LIPN: variants seen among roughly 807,000 people sequenced by gnomAD.
The protein encoded by LIPN is lipase member N.
A neutral mutation model predicts 43.7 loss-of-function variants in LIPN; 32 were observed. That is an observed-to-expected ratio of 0.73 (90% CI 0.55 to 0.98). The LOEUF (loss-of-function observed/expected upper bound fraction) is 0.98. LIPN is among the 50% of genes least tolerant of loss of function. The probability of loss-of-function intolerance (pLI) is 0.00; values close to 1 mark genes in which losing one functional copy is unlikely to be tolerated. For missense variants in LIPN, 505 were observed against 483.8 expected (o/e 1.04, Z -0.41); for synonymous variants, 156 against 157.6 (o/e 0.99, Z 0.08).
intron 9 of LIPN, among the ~76,000 whole-genome samples, chr10:88,775,992 T>C (rs1334952522): frequency 6.6e-6 from 1 of 151,992 alleles, no homozygotes; most frequent in Non-Finnish European, 1.5e-5. Flanking sequence ...AGATAGACCA[T>C]GTATATTTTA....
In LIPN at chr10:88,771,101, C is replaced by T. The variant is rs1843201173; in HGVS notation, c.819+110C>T. 4.3e-6 allele frequency: 4 copies of T among 923,490 alleles called. No individual in the cohort carries two copies. The Admixed American group carries it at 1.3e-4, about 29-fold the overall frequency. 57.2% of individuals were successfully genotyped at this position (923,490 alleles called of 1,614,324 possible). ...ATAAATTCATATGGTATTCCAAACCCTTAAAGACAGATTTTTTTTTGCTTT... is the reference window on the plus strand; with the variant it reads ...ATAAATTCATATGGTATTCCAAACCTTTAAAGACAGATTTTTTTTTGCTTT... On this transcript the variant is annotated intron_variant, in intron 7 of 9. Coordinates refer to ENST00000404459, the MANE Select transcript of LIPN (RefSeq NM_001102469.2).
chr10:88,775,602 A>G (rs1221114373), intron 9 of LIPN, among the ~76,000 whole-genome samples: 1 of 152,030 alleles, frequency 6.6e-6, no homozygotes, highest in East Asian at 1.9e-4. Context: ...TTTAATACCA[A>G]CAGAAAAATT....
intron 3 of LIPN, 59 bp from the exon 4 acceptor site, chr10:88,764,351 C>A: frequency 1.5e-6 from 2 of 1,329,692 alleles, no homozygotes; most frequent in Non-Finnish European, 2.1e-6. Context: ...ATTACTCTCA[C>A]TCTTTCTCTC....
intron 6 of LIPN, among the ~76,000 whole-genome samples, chr10:88,770,556 T>G (rs1369740859): frequency 6.6e-6 from 1 of 151,892 alleles, no homozygotes; most frequent in Non-Finnish European, 1.5e-5. Flanking sequence ...CTTCCTCATC[T>G]GGAGACACAT....
chr10:88,757,807 A>C (rs1199490324), upstream of LIPN, among the ~76,000 whole-genome samples: 1 of 152,196 alleles, frequency 6.6e-6, no homozygotes, highest in African/African-American at 2.4e-5. Flanking sequence ...ACACACACAC[A>C]TATAGACTTA....
At chr10:88,775,381 C>T (rs1843281232) in intron 9 of LIPN, among the ~76,000 whole-genome samples, 1 of 151,594 alleles carries the variant, frequency 6.6e-6, no homozygotes, top group Non-Finnish European at 1.5e-5. Context: ...TCCTTCCATC[C>T]AGAGATAACT....
intron 1 of LIPN, among the ~76,000 whole-genome samples, chr10:88,760,978 T>C (rs1842986826): frequency 6.6e-6 from 1 of 152,152 alleles, no homozygotes; most frequent in Non-Finnish European, 1.5e-5. Context: ...AAAGTTTTAT[T>C]GATCCATTTT....
At chr10:88,762,508 G>A (rs1167810596) in intron 3 of LIPN, among the ~76,000 whole-genome samples, 3 of 152,092 alleles carry the variant, frequency 2.0e-5, no homozygotes, top group Non-Finnish European at 4.4e-5. Flanking sequence ...CAAACAGCAA[G>A]ACTGATCTTG....
In LIPN at chr10:88,768,792, G is replaced by C. The variant is rs530876943; in HGVS notation, c.536G>C (p.Gly179Ala). 2 of 1,610,466 alleles carry C rather than the reference G, an allele frequency of 1.2e-6. No homozygotes were observed. The highest frequency in any genetic ancestry group is 3.3e-4 in the Middle Eastern group (2 of 6,032). The change falls in exon 6 of 10, where the codon GGG becomes GCG. Residue 179 changes from glycine to alanine, a missense_variant and splice_region_variant. Transcript: ENST00000404459. ...FIGHSLGTTI[G>A]FVAFSTMPEL... ...ATTGTCTTATCTCCTGTTCTCTCAGGGTTTGTAGCCTTTTCCACCATGCCT... is the reference window on the plus strand; with the variant it reads ...ATTGTCTTATCTCCTGTTCTCTCAGCGTTTGTAGCCTTTTCCACCATGCCT...
chr10:88,761,767 C>G lies in LIPN; in HGVS notation c.108+254C>G, dbSNP rs55811851. ...TCTATCTATCTATCTATCTATGTATCTATCTATCTATTTATCTATCTATCT... is the reference window on the plus strand; with the variant it reads ...TCTATCTATCTATCTATCTATGTATGTATCTATCTATTTATCTATCTATCT... On this transcript the variant is annotated intron_variant, in intron 2 of 9. Transcript: ENST00000404459. 3.9e-3 allele frequency among the ~76,000 whole-genome samples: 288 copies of G among 73,698 alleles called. No individual in the cohort carries two copies. The highest frequency in any genetic ancestry group is 0.025 in the African/African-American group (275 of 11,192). The allele number at this position is 73,698 out of a possible 152,430, so 48.3% of individuals were successfully genotyped here.
rs1843323580 is a variant in LIPN at position 88,778,017 on chromosome 10, C to T, written c.972C>T (p.Pro324=). The T allele has an allele frequency of 1.2e-6, 2 of 1,610,116 alleles. No individual in the cohort carries two copies. The highest frequency in any genetic ancestry group is 1.1e-5 in the South Asian group (1 of 90,954). ...TGCTTTCTCTCCCACAGAGTCATCC[C>T]CCTATATATGACCTGACTGCCATGA... The part of the protein sequence containing the change: ...DNMKHYNQSH[P]PIYDLTAMKV... The change falls in exon 10 of 10, where the codon CCC becomes CCT. Residue 324 remains proline (P), a synonymous_variant. Coordinates refer to ENST00000404459, the MANE Select transcript of LIPN (RefSeq NM_001102469.2).
upstream of LIPN, among the ~76,000 whole-genome samples, chr10:88,758,821 C>A (rs914100226): frequency 6.6e-6 from 1 of 151,990 alleles, no homozygotes; most frequent in African/African-American, 2.4e-5. Flanking sequence ...AAGATTTGAG[C>A]TAGCCTACAA....
At chr10:88,772,751 CA>C (rs1205306582) in intron 7 of LIPN, among the ~76,000 whole-genome samples, 1 of 150,850 alleles carries the variant, frequency 6.6e-6, no homozygotes, top group African/African-American at 2.4e-5. Context: ...AAGACTCCAA[CA>C]AAAAACCTGC....
Position 88,778,110 on chromosome 10 carries a change from A to T in LIPN, c.1065A>T (p.Ile355=). ...TAACACCCCAGGATGTGGCCAGGAT[A>T]CTCCCTCAAATCAAGAGTCTTCATT... ...VLVTPQDVAR[I]LPQIKSLHYF... The change falls in exon 10 of 10, where the codon ATA becomes ATT. Residue 355 remains isoleucine, a synonymous_variant. Coordinates refer to ENST00000404459, the MANE Select transcript of LIPN (RefSeq NM_001102469.2). The T allele has an allele frequency of 6.2e-7, 1 of 1,613,468 alleles. No individual in the cohort carries two copies. Among genetic ancestry groups the T allele is most frequent in the Non-Finnish European group, 8.5e-7 (1 of 1,179,694 alleles).
At position 88,778,196 on chromosome 10, in the gene LIPN, A is replaced by C. The variant is rs750694649; in HGVS notation, c.1151A>C (p.Gln384Pro). The C allele has an allele frequency of 1.4e-5, 22 of 1,612,780 alleles. No individual in the cohort carries two copies. The highest frequency in any genetic ancestry group is 1.8e-5 in the Non-Finnish European group (21 of 1,179,424). Reference protein sequence around the residue: ...FDFVWGLDAPQRMYSEIIALM... With the variant: ...FDFVWGLDAPPRMYSEIIALM... ...TTTGTCTGGGGCCTCGATGCCCCTC[A>C]ACGGATGTACAGTGAAATCATAGCT... Residue 384 changes from glutamine (Q) to proline (P), a missense_variant, in exon 10 of 10, where the codon CAA becomes CCA. Physicochemically the swap from Gln to Pro is moderately conservative, Grantham distance 76. Transcript: ENST00000404459.
rs1377061765 is a variant in LIPN at position 88,764,450 on chromosome 10, A to AGAC, written c.268_270dup (p.Asp90dup). On this transcript the variant is annotated inframe_insertion, in exon 4 of 10. Coordinates refer to ENST00000404459, the MANE Select transcript of LIPN (RefSeq NM_001102469.2). ...TGTATATGCAGCATGCCCTGTTTGC[A>AGAC]GACAATGCCTACTGGCTTGAGAATT... 1 of 1,612,334 alleles carries AGAC rather than the reference A, an allele frequency of 6.2e-7. No homozygotes were observed. The highest frequency in any genetic ancestry group is 1.1e-5 in the South Asian group (1 of 90,990).
intron 4 of LIPN, among the ~76,000 whole-genome samples, chr10:88,765,360 C>T (rs1843076607): frequency 6.6e-6 from 1 of 151,896 alleles, no homozygotes; most frequent in African/African-American, 2.4e-5. Flanking sequence ...ATTAATAAAA[C>T]ATTCAGTACC....
At chr10:88,771,509 T>C (rs1236663211) in intron 7 of LIPN, among the ~76,000 whole-genome samples, 1 of 151,844 alleles carries the variant, frequency 6.6e-6, no homozygotes, top group African/African-American at 2.4e-5. Flanking sequence ...AGTGAGAACA[T>C]GCAGTATTTG....
At chr10:88,767,429 G>A (rs1490990657) in intron 5 of LIPN, among the ~76,000 whole-genome samples, 1 of 151,520 alleles carries the variant, frequency 6.6e-6, no homozygotes, top group Non-Finnish European at 1.5e-5. Context: ...CTTCCCCACA[G>A]TATCTCCCTC....
Sources: allele counts gnomAD v4.1 joint callset (sites outside exome capture counted in the v4.1 genomes callset), GRCh38; gene constraint gnomAD v4.1.1; transcripts MANE v1.5; gene names NCBI Gene and HGNC (gene_info 2026-07-23, HGNC 2026-07-21).